KANSL1: variants seen among roughly 807,000 people sequenced by gnomAD.
The protein encoded by KANSL1 is KAT8 regulatory NSL complex subunit 1.
Under a neutral mutation model 103.6 loss-of-function variants are expected in KANSL1, and 22 were observed. That is an observed-to-expected ratio of 0.21 (90% CI 0.15 to 0.30). The LOEUF is 0.30. Among genes scored for constraint, KANSL1 ranks in the 10% least tolerant of loss-of-function variants. KANSL1 has a pLI of 1.00. For synonymous variants in KANSL1, 600 were observed against 527.6 expected (o/e 1.14, Z -1.88); for missense variants, 1,337 against 1,399.8 (o/e 0.96, Z 0.72).
At chr17:46,062,505 C>T (rs1270121386) in intron 6 of KANSL1, among the ~76,000 whole-genome samples, 5 of 151,192 alleles carry the variant, frequency 3.3e-5, no homozygotes, top group Non-Finnish European at 7.4e-5. Context: ...ATTACAGGCA[C>T]GTGCCACCAC....
intron 4 of KANSL1, among the ~76,000 whole-genome samples, chr17:46,071,976 C>A (rs1258068360): frequency 1.5e-5 from 2 of 137,042 alleles, no homozygotes; most frequent in African/African-American, 2.9e-5. Context: ...CTGAATTGCT[C>A]CCCCCACCCC....
chr17:46,053,946 T>C (rs2077821876), intron 6 of KANSL1, among the ~76,000 whole-genome samples: 1 of 152,150 alleles, frequency 6.6e-6, no homozygotes, highest in African/African-American at 2.4e-5. Flanking sequence ...ACATACAATA[T>C]TGTGTTTTAC....
At chr17:46,075,948 C>T (rs752557542) in intron 4 of KANSL1, among the ~76,000 whole-genome samples, 13 of 152,162 alleles carry the variant, frequency 8.5e-5, no homozygotes, top group Non-Finnish European at 1.8e-4. Flanking sequence ...CTGACTCCCT[C>T]CAGCACTCCC....
At chr17:46,169,914 C>T (rs1252665778) in intron 2 of KANSL1, among the ~76,000 whole-genome samples, 2 of 152,108 alleles carry the variant, frequency 1.3e-5, no homozygotes, top group Non-Finnish European at 2.9e-5. Flanking sequence ...GGGCGGATCA[C>T]GAGGTCAGGA....
chr17:46,140,392 A>G (rs2044360739), intron 2 of KANSL1, among the ~76,000 whole-genome samples: 1 of 152,216 alleles, frequency 6.6e-6, no homozygotes, highest in South Asian at 2.1e-4. Context: ...CACCATACAG[A>G]AAACTAACTT....
chr17:46,146,520 A>G (rs550003441), intron 2 of KANSL1, among the ~76,000 whole-genome samples: 1 of 152,328 alleles, frequency 6.6e-6, no homozygotes, highest in South Asian at 2.1e-4. Flanking sequence ...AGTAGCTGAA[A>G]AATTCTGTAT....
chr17:46,104,006 C>G (rs1391785982), intron 2 of KANSL1, among the ~76,000 whole-genome samples: 1 of 152,054 alleles, frequency 6.6e-6, no homozygotes, highest in Non-Finnish European at 1.5e-5. Flanking sequence ...CTAGCCTGGG[C>G]GACAGAGTGA....
At chr17:46,082,410 G>C (rs371808570) in intron 4 of KANSL1, 31 bp downstream of exon 4, 22 of 1,405,636 alleles carry the variant, frequency 1.6e-5, no homozygotes, top group Admixed American at 3.4e-5. Context: ...TAATTCTCAC[G>C]CATTTCCCCC....
chr17:46,149,218 G>A lies in KANSL1; in HGVS notation c.1289+21637C>T, dbSNP rs148188065. Among the ~76,000 whole-genome samples the A allele has an allele frequency of 5.9e-3, 902 of 151,716 alleles. 1 individual carries two copies. The highest frequency in any genetic ancestry group is 7.5e-3 in the Non-Finnish European group (512 of 67,958). ...GGTGTTTCACGTGTTAGCCAGGATG[G>A]TCTCGATCTCCTGACCTTGTGATCC... On this transcript the variant is annotated intron_variant, in intron 2 of 14. Coordinates refer to ENST00000432791, the MANE Select transcript of KANSL1 (RefSeq NM_015443.4).
At chr17:46,113,273 G>A (rs931381637) in intron 2 of KANSL1, among the ~76,000 whole-genome samples, 2 of 152,174 alleles carry the variant, frequency 1.3e-5, no homozygotes, top group Non-Finnish European at 2.9e-5. Context: ...AGCTTTCCAA[G>A]GTCAATCTTG....
chr17:46,031,475 C>T lies in KANSL1; in HGVS notation c.*1G>A, dbSNP rs1173885709. The T allele has an allele frequency of 6.3e-7, 1 of 1,599,486 alleles. No individual in the cohort carries two copies. Among genetic ancestry groups the T allele is most frequent in the African/African-American group, 1.3e-5 (1 of 74,890 alleles). ...AGTCTGTTTAGATGGCTGTCTCCCGCTCATCTGTGAGTCGGGCGCTGAGCT... is the reference window on the plus strand; with the variant it reads ...AGTCTGTTTAGATGGCTGTCTCCCGTTCATCTGTGAGTCGGGCGCTGAGCT... On this transcript the variant is annotated 3_prime_UTR_variant, in exon 15 of 15. Transcript: ENST00000432791.
chr17:46,190,470 A>G (rs2047261406), intron 1 of KANSL1, among the ~76,000 whole-genome samples: 1 of 152,260 alleles, frequency 6.6e-6, no homozygotes, highest in Non-Finnish European at 1.5e-5. Flanking sequence ...AAGATGCAAG[A>G]AAACTTCTAA....
chr17:46,165,179 C>A (rs1424977733), intron 2 of KANSL1, among the ~76,000 whole-genome samples: 2 of 152,238 alleles, frequency 1.3e-5, no homozygotes, highest in African/African-American at 4.8e-5. Context: ...ACTTTGGCAA[C>A]ATCATCTGTG....
chr17:46,150,579 T>C (rs2045036125), intron 2 of KANSL1, among the ~76,000 whole-genome samples: 1 of 152,246 alleles, frequency 6.6e-6, no homozygotes, highest in Admixed American at 6.5e-5. Flanking sequence ...ACTAAATTCC[T>C]TTACATAACA....
At chr17:46,190,768 G>A (rs1240026184) in intron 1 of KANSL1, among the ~76,000 whole-genome samples, 1 of 152,232 alleles carries the variant, frequency 6.6e-6, no homozygotes, top group Non-Finnish European at 1.5e-5. Flanking sequence ...AAAGGTCGAA[G>A]GAACGGCACA....
At chr17:46,109,937 G>C (rs2042731591) in intron 2 of KANSL1, among the ~76,000 whole-genome samples, 1 of 152,212 alleles carries the variant, frequency 6.6e-6, no homozygotes, top group Non-Finnish European at 1.5e-5. Context: ...AGCATGCACA[G>C]CAAAGTGCAT....
intron 13 of KANSL1, 93 bp downstream of exon 13, chr17:46,032,987 G>A: frequency 1.1e-6 from 1 of 931,140 alleles, no homozygotes; most frequent in Admixed American, 2.8e-5. Context: ...GAGCAACCAA[G>A]AGGCAGTAGC....
chr17:46,071,276 G>A (rs2078568455), intron 4 of KANSL1, among the ~76,000 whole-genome samples: 2 of 152,102 alleles, frequency 1.3e-5, no homozygotes, highest in South Asian at 2.1e-4. Flanking sequence ...GAAAGGGACT[G>A]TGGCTGGCCT....
chr17:46,120,868 CAA>C, intron 2 of KANSL1, among the ~76,000 whole-genome samples: 1 of 152,244 alleles, frequency 6.6e-6, no homozygotes, highest in Admixed American at 6.5e-5. Context: ...CAGCTAGATT[CAA>C]AGAGAGAATG....
Sources: gnomAD v4.1 joint callset for allele counts (sites outside exome capture counted in the v4.1 genomes callset) on GRCh38, gnomAD v4.1.1 for gene constraint, MANE v1.5 for transcripts, NCBI Gene and HGNC (gene_info 2026-07-23, HGNC 2026-07-21) for gene names.